Variants in ELMO1 observed in about 807,000 individuals in gnomAD.
ELMO1 encodes engulfment and cell motility protein 1.
A neutral mutation model predicts 98.9 loss-of-function variants in ELMO1; 26 were observed. That is an observed-to-expected ratio of 0.26 (90% CI 0.19 to 0.36). ELMO1 has a LOEUF of 0.36. Ranked by LOEUF, ELMO1 falls within the 10% of genes least tolerant of loss-of-function variation. The pLI is 1.00. For missense variants in ELMO1, 627 were observed against 935.2 expected (o/e 0.67, Z 4.30); for synonymous variants, 346 against 346.0 (o/e 1.00, Z 0.00).
chr7:37,142,750 T>G (rs1787720512), intron 13 of ELMO1, among the ~76,000 whole-genome samples: 1 of 152,174 alleles, frequency 6.6e-6, no homozygotes, highest in Admixed American at 6.5e-5. Context: ...CACATGATAC[T>G]TAGTTCAGAC....
chr7:37,320,428 C>T (rs930951972), intron 2 of ELMO1, among the ~76,000 whole-genome samples: 6 of 152,046 alleles, frequency 3.9e-5, no homozygotes, highest in African/African-American at 1.5e-4. Context: ...AAAAAAAAAT[C>T]CCATCTCCAC....
chr7:37,234,829 A>T (rs1300458629), intron 7 of ELMO1, among the ~76,000 whole-genome samples: 1 of 152,258 alleles, frequency 6.6e-6, no homozygotes, highest in Non-Finnish European at 1.5e-5. Context: ...TCACTATGCA[A>T]AAGTGAGATT....
intron 13 of ELMO1, among the ~76,000 whole-genome samples, chr7:37,149,339 G>C (rs960431271): frequency 6.6e-6 from 1 of 152,158 alleles, no homozygotes; most frequent in African/African-American, 2.4e-5. Flanking sequence ...CTGCAATTGT[G>C]GGGGTAGGAG....
intron 16 of ELMO1, among the ~76,000 whole-genome samples, chr7:36,954,406 G>A (rs544278080): frequency 3.9e-4 from 60 of 152,298 alleles, no homozygotes; most frequent in African/African-American, 1.4e-3. Flanking sequence ...GGTTTTGGAA[G>A]GCTGTCAGCC....
chr7:37,447,156 T>C (rs1384875843), intron 1 of ELMO1, among the ~76,000 whole-genome samples: 3 of 152,154 alleles, frequency 2.0e-5, no homozygotes, highest in African/African-American at 7.2e-5. Context: ...TGAGAAGGAT[T>C]ATATCCCTCT....
At chr7:37,321,736 A>AAAAAAAAAC (rs1192639432) in intron 2 of ELMO1, among the ~76,000 whole-genome samples, 4 of 148,210 alleles carry the variant, frequency 2.7e-5, no homozygotes, top group Admixed American at 6.7e-5. Context: ...AAAAAAAAAA[A>AAAAAAAAAC]AACACAGAAA....
chr7:37,234,987 T>C (rs1309588886), intron 7 of ELMO1, among the ~76,000 whole-genome samples: 2 of 152,224 alleles, frequency 1.3e-5, no homozygotes, highest in African/African-American at 2.4e-5. Context: ...CTAATATCTC[T>C]GGCTTTTCAG....
At position 37,432,100 on chromosome 7, in the gene ELMO1, C is replaced by T. The variant is rs186564330; in HGVS notation, c.-74+16575G>A. Among the ~76,000 whole-genome samples the T allele has an allele frequency of 8.1e-4, 123 of 152,218 alleles. 2 individuals are homozygous for T. The East Asian group carries it at 0.021, about 26-fold the overall frequency. Reference sequence around the variant, plus strand: ...TTCTCCATGTTGGTCAGGCTGGTCTCGAACTCTTGACCTCAGGTGATTCAC... The same window carrying T: ...TTCTCCATGTTGGTCAGGCTGGTCTTGAACTCTTGACCTCAGGTGATTCAC... On this transcript the variant is annotated intron_variant, in intron 1 of 21. Coordinates refer to ENST00000310758, the MANE Select transcript of ELMO1 (RefSeq NM_014800.11).
Position 37,309,312 on chromosome 7 carries a change from G to A in ELMO1, c.192+5538C>T, listed in dbSNP as rs747931072. On this transcript the variant is annotated intron_variant, in intron 4 of 21. Transcript: ENST00000310758. ...TTATTCACTACCACGAGAACAGTAC[G>A]GAGGAAACCTCCCCCTTGATTCAAT... is the stretch of plus-strand genomic sequence containing the variant. Among the ~76,000 whole-genome samples the A allele has an allele frequency of 6.6e-4, 101 of 152,224 alleles. 2 individuals carry two copies. Among genetic ancestry groups the A allele is most frequent in the Admixed American group, 1.6e-3 (24 of 15,290 alleles).
intron 1 of ELMO1, among the ~76,000 whole-genome samples, chr7:37,412,975 T>C (rs1207165256): frequency 6.6e-6 from 1 of 152,118 alleles, no homozygotes; most frequent in Non-Finnish European, 1.5e-5. Flanking sequence ...CAAAGGACCC[T>C]TAGCCAGAAC....
chr7:37,078,138 C>T (rs911574196), intron 15 of ELMO1, among the ~76,000 whole-genome samples: 7 of 152,068 alleles, frequency 4.6e-5, no homozygotes, highest in South Asian at 4.2e-4. Flanking sequence ...AGAAGGAAAA[C>T]GTAAATAGAA....
intron 15 of ELMO1, among the ~76,000 whole-genome samples, chr7:37,054,398 C>A (rs1562925238): frequency 6.6e-6 from 1 of 152,076 alleles, no homozygotes; most frequent in Non-Finnish European, 1.5e-5. Context: ...TAAGACATGG[C>A]CTGTATTTTC....
intron 6 of ELMO1, among the ~76,000 whole-genome samples, chr7:37,255,527 G>A (rs759357735): frequency 2.1e-4 from 32 of 152,342 alleles, no homozygotes; most frequent in Admixed American, 1.0e-3. Context: ...TTTCATTGTC[G>A]AAGTCTGTAA....
At chr7:37,195,464 T>C (rs113188990) in intron 13 of ELMO1, among the ~76,000 whole-genome samples, 1 of 152,238 alleles carries the variant, frequency 6.6e-6, no homozygotes, top group Admixed American at 6.5e-5. Context: ...AGGTGACCGA[T>C]GGGACGCCAT....
chr7:37,061,125 A>C (rs759025917), intron 15 of ELMO1, among the ~76,000 whole-genome samples: 8 of 152,216 alleles, frequency 5.3e-5, no homozygotes, highest in Non-Finnish European at 1.2e-4. Flanking sequence ...GTGCTCAGAG[A>C]ACCAGAAACA....
intron 1 of ELMO1, among the ~76,000 whole-genome samples, chr7:37,433,232 A>G (rs958203012): frequency 2.6e-5 from 4 of 152,232 alleles, no homozygotes; most frequent in Admixed American, 2.6e-4. Flanking sequence ...CAGTGCTCAC[A>G]TACATGGAAA....
chr7:37,106,000 AC>A, intron 14 of ELMO1, among the ~76,000 whole-genome samples: 1 of 152,202 alleles, frequency 6.6e-6, no homozygotes, highest in Non-Finnish European at 1.5e-5. Context: ...TGAACAGTTT[AC>A]TTTAAAATGG....
chr7:37,301,548 T>TCACC (rs1221031949), intron 4 of ELMO1, among the ~76,000 whole-genome samples: 4 of 149,396 alleles, frequency 2.7e-5, no homozygotes, highest in African/African-American at 9.9e-5. Flanking sequence ...GAGCTGCAGT[T>TCACC]CACCCACCCA....
chr7:37,141,441 C>A (rs1206460047), intron 13 of ELMO1, among the ~76,000 whole-genome samples: 2 of 151,924 alleles, frequency 1.3e-5, no homozygotes, highest in East Asian at 3.9e-4. Flanking sequence ...GACAGGTGCA[C>A]CAAAATCTTA....
Sources: gnomAD v4.1 joint callset for allele counts (sites outside exome capture counted in the v4.1 genomes callset) on GRCh38, gnomAD v4.1.1 for gene constraint, MANE v1.5 for transcripts, NCBI Gene and HGNC (gene_info 2026-07-23, HGNC 2026-07-21) for gene names.